The following FOXP1 variants were observed in gnomAD, a reference collection of about 807,000 sequenced individuals.
The protein encoded by FOXP1 is forkhead box protein P1.
Under a neutral mutation model 98.2 loss-of-function variants are expected in FOXP1, and 15 were observed. The observed-to-expected ratio is 0.15, with a 90% CI of 0.10 to 0.24. The LOEUF (loss-of-function observed/expected upper bound fraction) is 0.24, where lower values mean the gene tolerates loss of function less well. FOXP1 is among the 10% of genes least tolerant of loss of function. FOXP1 has a pLI of 1.00. For missense variants in FOXP1, 633 were observed against 848.5 expected (o/e 0.75, Z 3.15); for synonymous variants, 371 against 314.5 (o/e 1.18, Z -1.90).
At chr3:71,321,909 T>G (rs1218031043) in intron 4 of FOXP1, among the ~76,000 whole-genome samples, 1 of 152,194 alleles carries the variant, frequency 6.6e-6, no homozygotes, top group African/African-American at 2.4e-5. Flanking sequence ...CGTGAGCCAC[T>G]GTGCCCAGCC....
intron 19 of FOXP1, chr3:70,969,374 G>A (rs1559591482): frequency 6.6e-6 from 1 of 152,124 alleles, no homozygotes; most frequent in Non-Finnish European, 1.5e-5. Flanking sequence ...ATCTGGTTCA[G>A]GCTAAAAATA....
chr3:71,568,369 C>T (rs1228893902), intron 2 of FOXP1, among the ~76,000 whole-genome samples: 1 of 152,124 alleles, frequency 6.6e-6, no homozygotes, highest in African/African-American at 2.4e-5. Context: ...TCCTGTTCTA[C>T]AGAGGAAGAA....
intron 5 of FOXP1, among the ~76,000 whole-genome samples, chr3:71,257,432 A>C (rs1374406714): frequency 6.6e-6 from 1 of 151,992 alleles, no homozygotes; most frequent in Non-Finnish European, 1.5e-5. Flanking sequence ...AAAAAAAATA[A>C]AAAATAGCCG....
At position 71,018,579 on chromosome 3, in the gene FOXP1, C is replaced by T. The variant is rs569260702; in HGVS notation, c.870-2926G>A. ...TTAAAACATGGAAACATCCTGTACACACTGTTGTCATTTGCTTTTCATATT... is the reference window on the plus strand; with the variant it reads ...TTAAAACATGGAAACATCCTGTACATACTGTTGTCATTTGCTTTTCATATT... On this transcript the variant is annotated intron_variant, in intron 11 of 20. Transcript: ENST00000649528. Among the ~76,000 whole-genome samples the T allele has an allele frequency of 6.2e-4, 94 of 152,296 alleles. 1 individual carries two copies. The South Asian group carries it at 0.019, about 31-fold the overall frequency.
chr3:71,558,709 G>A (rs547661251), intron 2 of FOXP1, among the ~76,000 whole-genome samples: 41 of 151,314 alleles, frequency 2.7e-4, no homozygotes, highest in African/African-American at 9.7e-4. Context: ...TGGCCAGGAT[G>A]ATCTCCACCT....
intron 5 of FOXP1, among the ~76,000 whole-genome samples, chr3:71,249,677 A>G (rs2068032795): frequency 2.0e-5 from 3 of 152,226 alleles, no homozygotes; most frequent in Admixed American, 1.3e-4. Context: ...TGCCCTGAAT[A>G]ATGAAGCTGG....
At chr3:71,295,515 T>G (rs67261851) in intron 5 of FOXP1, among the ~76,000 whole-genome samples, 36,699 of 151,942 alleles carry the variant, frequency 0.24, 4,714 homozygotes, top group Middle Eastern at 0.28. Flanking sequence ...TTGCAATGAT[T>G]CAACTTCCTT....
At chr3:71,115,314 T>C (rs978897539) in intron 6 of FOXP1, among the ~76,000 whole-genome samples, 14 of 104,970 alleles carry the variant, frequency 1.3e-4, no homozygotes, top group African/African-American at 4.8e-4. Context: ...ATTATTATTA[T>C]TATTTTATTT....
At chr3:71,104,908 A>G (rs1240937110) in intron 7 of FOXP1, among the ~76,000 whole-genome samples, 1 of 152,176 alleles carries the variant, frequency 6.6e-6, no homozygotes, top group Admixed American at 6.5e-5. Context: ...AACTCCCTAT[A>G]CTTAAAATAT....
chr3:71,451,170 G>A (rs1447466807), intron 3 of FOXP1, among the ~76,000 whole-genome samples: 1 of 152,142 alleles, frequency 6.6e-6, no homozygotes, highest in Non-Finnish European at 1.5e-5. Flanking sequence ...GCCTACTACT[G>A]TGGTTGGGCT....
intron 2 of FOXP1, among the ~76,000 whole-genome samples, chr3:71,547,091 A>T (rs1244993676): frequency 1.3e-5 from 2 of 152,222 alleles, no homozygotes. Context: ...TAGGAAATAA[A>T]ACTCTTATGA....
chr3:70,964,278 A>G (rs2034257216), intron 20 of FOXP1, among the ~76,000 whole-genome samples: 1 of 152,240 alleles, frequency 6.6e-6, no homozygotes, highest in South Asian at 2.1e-4. Flanking sequence ...TGGTTTGGGT[A>G]ATACTGGGGT....
chr3:71,415,060 C>A (rs550530872), intron 3 of FOXP1, among the ~76,000 whole-genome samples: 8 of 152,322 alleles, frequency 5.3e-5, no homozygotes, highest in Admixed American at 4.6e-4. Flanking sequence ...ATTAAGCTGT[C>A]ATTCATATCT....
intron 20 of FOXP1, among the ~76,000 whole-genome samples, chr3:70,962,697 C>A (rs905402311): frequency 1.3e-5 from 2 of 152,152 alleles, no homozygotes; most frequent in African/African-American, 2.4e-5. Flanking sequence ...TTCCTACTTT[C>A]TTAACTATCA....
chr3:71,383,500 T>C (rs948805757), intron 3 of FOXP1, among the ~76,000 whole-genome samples: 1 of 152,196 alleles, frequency 6.6e-6, no homozygotes, highest in East Asian at 1.9e-4. Flanking sequence ...ATCAACCTAT[T>C]TGATTAAAGG....
At chr3:71,336,110 T>A (rs991020171) in intron 4 of FOXP1, among the ~76,000 whole-genome samples, 1 of 140,450 alleles carries the variant, frequency 7.1e-6, no homozygotes, top group Non-Finnish European at 1.5e-5. Flanking sequence ...GACCGTAGGG[T>A]CATATCAGAA....
At chr3:71,039,415 A>G (rs558084796) in intron 11 of FOXP1, among the ~76,000 whole-genome samples, 1 of 152,184 alleles carries the variant, frequency 6.6e-6, no homozygotes, top group East Asian at 1.9e-4. Flanking sequence ...GAAAAGGGCT[A>G]TTCTTCTCCC....
chr3:71,045,617 G>C (rs1034171322), intron 10 of FOXP1, among the ~76,000 whole-genome samples: 1 of 152,146 alleles, frequency 6.6e-6, no homozygotes, highest in Non-Finnish European at 1.5e-5. Context: ...TGGAGATGCT[G>C]AGTATGTATC....
intron 4 of FOXP1, chr3:71,333,628 G>T (rs1241496429): frequency 6.6e-6 from 1 of 152,118 alleles, no homozygotes; most frequent in Non-Finnish European, 1.5e-5. Context: ...TTTGAAGCCA[G>T]CCAGGGCAAG....
Sources: gnomAD v4.1 joint callset for allele counts (sites outside exome capture counted in the v4.1 genomes callset) on GRCh38, gnomAD v4.1.1 for gene constraint, MANE v1.5 for transcripts, NCBI Gene and HGNC (gene_info 2026-07-23, HGNC 2026-07-21) for gene names.